Variants in TBX20 observed in about 807,000 individuals in gnomAD.
TBX20 encodes the protein T-box transcription factor 20.
Under a neutral mutation model 42.9 loss-of-function variants are expected in TBX20, and 8 were observed. That is an observed-to-expected ratio of 0.19 (90% CI 0.11 to 0.34). The LOEUF (loss-of-function observed/expected upper bound fraction) is 0.34, where lower values mean the gene tolerates loss of function less well. Among genes scored for constraint, TBX20 ranks in the 10% least tolerant of loss-of-function variants. The probability of loss-of-function intolerance (pLI) is 1.00; values close to 1 mark genes in which losing one functional copy is unlikely to be tolerated. For synonymous variants in TBX20, 198 were observed against 222.8 expected, an observed-to-expected ratio of 0.89 and a Z score of 0.99; for missense variants, 411 against 566.0, an observed-to-expected ratio of 0.73 and a Z score of 2.78.
chr7:35,253,898 C>T lies in TBX20; in HGVS notation c.-278G>A. 2.2e-6 allele frequency: 1 copy of T among 453,736 alleles called. No individual in the cohort carries two copies. Among genetic ancestry groups the T allele is most frequent in the Non-Finnish European group, 4.0e-6 (1 of 250,502 alleles). 28.1% of individuals were successfully genotyped at this position (453,736 alleles called of 1,614,324 possible). The stretch of plus-strand genomic sequence containing the variant: ...GGTGCGCACGCCCCGGGGCGCTCGG[C>T]AGGACGACAGTCTGCACAGCCCGAA... On this transcript the variant is annotated 5_prime_UTR_variant, in exon 1 of 8. Transcript: ENST00000408931.
At chr7:35,241,145 A>T (rs946493303) in intron 4 of TBX20, 108 bp from the exon 5 acceptor site, 13 of 890,952 alleles carry the variant, frequency 1.5e-5, no homozygotes, top group Non-Finnish European at 2.4e-5. Context: ...TTCAAAGTCA[A>T]TTTTAAGATA....
intron 7 of TBX20, among the ~76,000 whole-genome samples, chr7:35,203,261 T>C (rs1789337903): frequency 6.6e-6 from 1 of 152,290 alleles, no homozygotes; most frequent in East Asian, 1.9e-4. Context: ...TCTGACTGTA[T>C]ACAGTTGTCC....
chr7:35,244,106 T>C (rs1790135399), intron 4 of TBX20, among the ~76,000 whole-genome samples: 1 of 152,216 alleles, frequency 6.6e-6, no homozygotes, highest in Non-Finnish European at 1.5e-5. Context: ...TATGTATCAA[T>C]TAAAAATTAT....
intron 7 of TBX20, 99 bp downstream of exon 7, chr7:35,204,371 G>C (rs483353007): frequency 5.1e-6 from 4 of 779,696 alleles, no homozygotes; most frequent in Non-Finnish European, 9.1e-6. Context: ...TCCCGGCATC[G>C]TGTACTCTGA....
intron 1 of TBX20, among the ~76,000 whole-genome samples, chr7:35,251,455 C>T (rs1790304132): frequency 6.6e-6 from 1 of 152,156 alleles, no homozygotes; most frequent in Non-Finnish European, 1.5e-5. Flanking sequence ...AATTAAATGC[C>T]ATCCTGATTT....
chr7:35,235,049 C>A (rs1228197298), intron 5 of TBX20, among the ~76,000 whole-genome samples: 5 of 152,114 alleles, frequency 3.3e-5, no homozygotes, highest in African/African-American at 1.2e-4. Flanking sequence ...GAAATATGAT[C>A]TCACCTTTTC....
rs1312871221 is a variant in TBX20 at position 35,240,867 on chromosome 7, C to G, written c.813+12G>C. 1 of 1,612,942 alleles carries G rather than the reference C, an allele frequency of 6.2e-7. No individual in the cohort carries two copies. Among genetic ancestry groups the G allele is most frequent in the East Asian group, 2.2e-5 (1 of 44,876 alleles). The stretch of plus-strand genomic sequence containing the variant: ...TCTTATGCAGGAACTAAATTGTGAA[C>G]TGTACACTCACCAGTTGATTCTGGT... On this transcript the variant is annotated intron_variant, in intron 5 of 7. Coordinates refer to ENST00000408931, the MANE Select transcript of TBX20 (RefSeq NM_001077653.2).
At chr7:35,213,096 A>T (rs1362839674) in intron 6 of TBX20, among the ~76,000 whole-genome samples, 3 of 152,158 alleles carry the variant, frequency 2.0e-5, no homozygotes, top group African/African-American at 7.2e-5. Flanking sequence ...GCATCATCAC[A>T]GGGCTCACCT....
Position 35,253,464 on chromosome 7 carries a change from C to T in TBX20, c.127+30G>A, listed in dbSNP as rs752076086. The T allele has an allele frequency of 3.1e-5, 50 of 1,599,768 alleles. No homozygotes were observed. In the African/African-American group the frequency reaches 6.3e-4, roughly 20 times the overall value. ...AGACGGATGCGCAGCATCCCCAGTCCTCGGCGGACAGCCGGGTAGCCCAAC... is the reference window on the plus strand; with the variant it reads ...AGACGGATGCGCAGCATCCCCAGTCTTCGGCGGACAGCCGGGTAGCCCAAC... On this transcript the variant is annotated intron_variant, in intron 1 of 7. Coordinates refer to ENST00000408931, the MANE Select transcript of TBX20 (RefSeq NM_001077653.2).
At chr7:35,224,341 T>C (rs1789734154) in intron 6 of TBX20, among the ~76,000 whole-genome samples, 1 of 152,196 alleles carries the variant, frequency 6.6e-6, no homozygotes, top group Non-Finnish European at 1.5e-5. Flanking sequence ...AAAATATAAG[T>C]AGTTTAAATC....
chr7:35,250,161 T>C lies in TBX20; in HGVS notation c.170A>G (p.Glu57Gly). The C allele has an allele frequency of 6.2e-7, 1 of 1,614,016 alleles. No individual in the cohort carries two copies. Among genetic ancestry groups the C allele is most frequent in the Non-Finnish European group, 8.5e-7 (1 of 1,179,998 alleles). The change falls in exon 2 of 8, where the codon GAG (glutamate) becomes GGG (glycine). Residue 57 changes from glutamate to glycine, a missense_variant. By Grantham distance (98) the Glu-to-Gly change is moderately conservative. Around this residue, in one of 5 missense-constraint regions of TBX20, gnomAD observed 114 missense variants for 128.0 expected, o/e 0.89. Coordinates refer to ENST00000408931, the MANE Select transcript of TBX20 (RefSeq NM_001077653.2). ...EKSSCAQPLGELTSLDAHGEF... is the reference protein window; with the variant it reads ...EKSSCAQPLGGLTSLDAHGEF... ...CCCATGAGCATCCAGGCTGGTCAGCTCACCCAGGGGCTGGGCACAGGACGA... is the reference window on the plus strand; with the variant it reads ...CCCATGAGCATCCAGGCTGGTCAGCCCACCCAGGGGCTGGGCACAGGACGA...
chr7:35,253,725 C>A lies in TBX20; in HGVS notation c.-105G>T. 6.8e-7 allele frequency: 1 copy of A among 1,478,466 alleles called. No homozygotes were observed. The allele number at this position is 1,478,466 out of a possible 1,614,324, so 91.6% of individuals were successfully genotyped here. A position where few individuals can be genotyped will look rare whatever the true frequency, so the allele number is the denominator to read the frequency against. On this transcript the variant is annotated 5_prime_UTR_variant, in exon 1 of 8. Coordinates refer to ENST00000408931, the MANE Select transcript of TBX20 (RefSeq NM_001077653.2). Reference sequence around the variant, plus strand: ...AAACACAGCTCAAAGTTTCCGAGAGCAGTCACAGCGGGGCCAGGGACTCCA... The same window carrying A: ...AAACACAGCTCAAAGTTTCCGAGAGAAGTCACAGCGGGGCCAGGGACTCCA...
chr7:35,233,165 GTTTCTGAACACTTT>G (rs1398244192), intron 5 of TBX20, among the ~76,000 whole-genome samples: 1 of 151,868 alleles, frequency 6.6e-6, no homozygotes, highest in Non-Finnish European at 1.5e-5. Flanking sequence ...CTTTTTCATG[GTTTCTGAACACTTT>G]CAGAACCAAG....
chr7:35,219,809 A>T (rs1415534625), intron 6 of TBX20, among the ~76,000 whole-genome samples: 36 of 152,214 alleles, frequency 2.4e-4, no homozygotes, highest in Admixed American at 2.2e-3. Flanking sequence ...TAGATTTGCA[A>T]CTTGCTTTCC....
At chr7:35,246,705 C>T (rs780356620) in intron 3 of TBX20, among the ~76,000 whole-genome samples, 2 of 152,026 alleles carry the variant, frequency 1.3e-5, no homozygotes, top group African/African-American at 4.8e-5. Flanking sequence ...CTTCAAAGTC[C>T]TAAAACCATG....
At chr7:35,217,187 T>G (rs1789605512) in intron 6 of TBX20, among the ~76,000 whole-genome samples, 1 of 152,204 alleles carries the variant, frequency 6.6e-6, no homozygotes, top group Non-Finnish European at 1.5e-5. Flanking sequence ...ATCTTACTGA[T>G]TTTTCTTTTC....
intron 5 of TBX20, among the ~76,000 whole-genome samples, chr7:35,233,886 T>C (rs911250181): frequency 1.3e-5 from 2 of 152,212 alleles, no homozygotes; most frequent in African/African-American, 2.4e-5. Flanking sequence ...TCGGATGACA[T>C]GCACAGCTAA....
chr7:35,237,683 T>A (rs1789992445), intron 5 of TBX20, among the ~76,000 whole-genome samples: 1 of 152,148 alleles, frequency 6.6e-6, no homozygotes, highest in Admixed American at 6.5e-5. Context: ...TCGTTTTTTG[T>A]ATATCTGAAA....
chr7:35,253,680 C>T lies in TBX20; in HGVS notation c.-60G>A. 6.3e-7 allele frequency: 1 copy of T among 1,585,016 alleles called. No individual in the cohort carries two copies. Among genetic ancestry groups the T allele is most frequent in the Middle Eastern group, 2.3e-4 (1 of 4,328 alleles). On this transcript the variant is annotated 5_prime_UTR_variant, in exon 1 of 8. Transcript: ENST00000408931. ...TCGTCCGAACTGCCGTCCAGATTCC[C>T]CAAGGGAGACAAAGACCCGAAACAC...
Sources: gnomAD v4.1 joint callset for allele counts (sites outside exome capture counted in the v4.1 genomes callset) on GRCh38, gnomAD v4.1.1 for gene constraint, gnomAD v4.1.1 regional missense constraint, MANE v1.5 for transcripts, NCBI Gene and HGNC (gene_info 2026-07-23, HGNC 2026-07-21) for gene names.